Variants in HIVEP2 observed in about 807,000 individuals in gnomAD.
The protein encoded by HIVEP2 is HIVEP zinc finger 2.
In HIVEP2, 14 loss-of-function variants were observed where a neutral mutation model predicts 180.7. The ratio of observed to expected loss-of-function variants is 0.08; its 90% confidence interval spans 0.05 to 0.12. The LOEUF is 0.12. Among genes scored for constraint, HIVEP2 ranks in the 10% least tolerant of loss-of-function variants. The probability of loss-of-function intolerance (pLI) is 1.00; values close to 1 mark genes in which losing one functional copy is unlikely to be tolerated. For missense variants in HIVEP2, 2,579 were observed against 3,008.5 expected, an observed-to-expected ratio of 0.86 and a Z score of 3.34; for synonymous variants, 1,184 against 1,136.4, an observed-to-expected ratio of 1.04 and a Z score of -0.84.
chr6:142,940,923 C>T (rs1440362070), intron 1 of HIVEP2, among the ~76,000 whole-genome samples: 1 of 152,186 alleles, frequency 6.6e-6, no homozygotes, highest in Non-Finnish European at 1.5e-5. Flanking sequence ...CCCTCAGGCA[C>T]ATAAACATCA....
At chr6:142,846,089 C>T (rs1036499857) in intron 1 of HIVEP2, among the ~76,000 whole-genome samples, 3 of 152,212 alleles carry the variant, frequency 2.0e-5, no homozygotes, top group African/African-American at 7.2e-5. Context: ...CTGCACCACA[C>T]ATCAAAGCCA....
chr6:142,880,471 C>T (rs1033895227), intron 1 of HIVEP2, among the ~76,000 whole-genome samples: 1 of 152,150 alleles, frequency 6.6e-6, no homozygotes, highest in African/African-American at 2.4e-5. Context: ...ACCAGCGTGT[C>T]CTACATTGAT....
intron 1 of HIVEP2, among the ~76,000 whole-genome samples, chr6:142,865,945 T>A (rs1776128487): frequency 6.6e-6 from 1 of 152,140 alleles, no homozygotes; most frequent in African/African-American, 2.4e-5. Flanking sequence ...AGCACAGACT[T>A]TTGAGGATCA....
In HIVEP2 at chr6:142,835,559, T is replaced by C. The variant is rs2114876177; in HGVS notation, c.-528+1376A>G. ...CTATTGAAAAAATTAAGGCTTTGCTTTTCACACTTTTAAATATATGTCTTC... is the reference window on the plus strand; with the variant it reads ...CTATTGAAAAAATTAAGGCTTTGCTCTTCACACTTTTAAATATATGTCTTC... On this transcript the variant is annotated intron_variant, in intron 2 of 9. Coordinates refer to ENST00000367603, the MANE Select transcript of HIVEP2 (RefSeq NM_006734.4). Among the ~76,000 whole-genome samples the C allele has an allele frequency of 1.3e-5, 2 of 152,330 alleles. 1 individual carries two copies. Among genetic ancestry groups the C allele is most frequent in the Middle Eastern group, 6.8e-3 (2 of 294 alleles).
chr6:142,914,339 T>C (rs1424856481), intron 1 of HIVEP2, among the ~76,000 whole-genome samples: 2 of 152,222 alleles, frequency 1.3e-5, no homozygotes, highest in African/African-American at 4.8e-5. Context: ...GTACATCAAA[T>C]GCCATCTTAC....
intron 1 of HIVEP2, among the ~76,000 whole-genome samples, chr6:142,907,794 C>G (rs1388363430): frequency 6.6e-6 from 1 of 152,154 alleles, no homozygotes; most frequent in Non-Finnish European, 1.5e-5. Flanking sequence ...CCTAGAGCAT[C>G]GGTATGATGT....
intron 2 of HIVEP2, among the ~76,000 whole-genome samples, chr6:142,814,485 T>C (rs1303588000): frequency 1.3e-5 from 2 of 151,960 alleles, no homozygotes; most frequent in Admixed American, 6.6e-5. Flanking sequence ...AAGAACTGAA[T>C]TGGGCAGAGG....
At chr6:142,863,039 A>G (rs1776045234) in intron 1 of HIVEP2, among the ~76,000 whole-genome samples, 1 of 142,332 alleles carries the variant, frequency 7.0e-6, no homozygotes, top group African/African-American at 2.6e-5. Context: ...AATATATATT[A>G]CATAATATAT....
chr6:142,885,398 T>C (rs985221862), intron 1 of HIVEP2, among the ~76,000 whole-genome samples: 2 of 151,972 alleles, frequency 1.3e-5, no homozygotes, highest in Non-Finnish European at 2.9e-5. Flanking sequence ...CTACCTGCCT[T>C]GAGCAACACC....
intron 1 of HIVEP2, among the ~76,000 whole-genome samples, chr6:142,927,607 T>A (rs553111979): frequency 6.6e-6 from 1 of 152,324 alleles, no homozygotes; most frequent in East Asian, 1.9e-4. Context: ...AGTTATCCTA[T>A]CTCAACTAAT....
At chr6:142,763,344 G>A (rs1016528042) in intron 7 of HIVEP2, among the ~76,000 whole-genome samples, 2 of 152,170 alleles carry the variant, frequency 1.3e-5, no homozygotes, top group Non-Finnish European at 1.5e-5. Flanking sequence ...GTGCTCAGAC[G>A]ACAATGTGGG....
chr6:142,844,377 T>C (rs572126554), intron 1 of HIVEP2, among the ~76,000 whole-genome samples: 13 of 152,220 alleles, frequency 8.5e-5, no homozygotes, highest in East Asian at 3.9e-4. Context: ...AGAAACCTAA[T>C]ATTTTAGCTC....
chr6:142,826,663 C>T (rs937236253), intron 2 of HIVEP2, among the ~76,000 whole-genome samples: 3 of 152,188 alleles, frequency 2.0e-5, no homozygotes, highest in Non-Finnish European at 4.4e-5. Flanking sequence ...AGAATTTCTA[C>T]TACCATGAAC....
chr6:142,877,582 T>C (rs184203906), intron 1 of HIVEP2, among the ~76,000 whole-genome samples: 87 of 152,264 alleles, frequency 5.7e-4, no homozygotes, highest in African/African-American at 2.0e-3. Flanking sequence ...TTCCAATGTA[T>C]TGTGCATCAT....
chr6:142,857,324 G>A (rs1305182592), intron 1 of HIVEP2, among the ~76,000 whole-genome samples: 1 of 151,834 alleles, frequency 6.6e-6, no homozygotes, highest in Non-Finnish European at 1.5e-5. Context: ...CTATTGTATA[G>A]CCCCTAGATC....
At chr6:142,847,345 G>A (rs192199132) in intron 1 of HIVEP2, among the ~76,000 whole-genome samples, 2 of 151,790 alleles carry the variant, frequency 1.3e-5, no homozygotes, top group African/African-American at 2.4e-5. Context: ...TTTTCTATTC[G>A]GTTTTCCCTT....
intron 2 of HIVEP2, among the ~76,000 whole-genome samples, chr6:142,829,299 T>C (rs1775008689): frequency 6.6e-6 from 1 of 152,176 alleles, no homozygotes; most frequent in South Asian, 2.1e-4. Flanking sequence ...ACATACCATA[T>C]GACTTTTCCT....
chr6:142,769,982 G>A lies in HIVEP2; in HGVS notation c.4757C>T (p.Ser1586Leu). 1 of 1,614,084 alleles carries A rather than the reference G, an allele frequency of 6.2e-7. No homozygotes were observed. Among genetic ancestry groups the A allele is most frequent in the Non-Finnish European group, 8.5e-7 (1 of 1,180,018 alleles). The change falls in exon 5 of 10, where the codon TCA becomes TTA. Residue 1586 changes from serine (S) to leucine (L), a missense_variant. Ser to Leu is a moderately radical substitution (Grantham distance 145). This residue lies in a region of HIVEP2 where 349 missense variants were observed against 367.2 expected (regional missense o/e 0.95). Coordinates refer to ENST00000367603, the MANE Select transcript of HIVEP2 (RefSeq NM_006734.4). ...SDMSMSPQSS[S>L]LPAGDGQLEE... is the part of the protein sequence containing the mutation. ...CAGCTGACCATCTCCTGCTGGTAAT[G>A]AAGAACTCTGTGGGCTCATGCTCAT...
intron 1 of HIVEP2, among the ~76,000 whole-genome samples, chr6:142,936,000 C>A (rs1296727575): frequency 6.6e-6 from 1 of 151,868 alleles, no homozygotes; most frequent in Non-Finnish European, 1.5e-5. Context: ...GCAGTCCCAG[C>A]TACTCAGGGG....
Sources: gnomAD v4.1 joint callset for allele counts (sites outside exome capture counted in the v4.1 genomes callset) on GRCh38, gnomAD v4.1.1 for gene constraint, gnomAD v4.1.1 regional missense constraint, MANE v1.5 for transcripts, NCBI Gene and HGNC (gene_info 2026-07-23, HGNC 2026-07-21) for gene names.